The following MARK4 variants were observed in gnomAD, a reference collection of about 807,000 sequenced individuals.
MARK4 encodes the protein MAP/microtubule affinity-regulating kinase 4.
MARK4 carries 19 observed loss-of-function variants against 81.5 expected under a neutral mutation model. The ratio of observed to expected loss-of-function variants is 0.23; its 90% CI spans 0.16 to 0.34. The LOEUF is 0.34. Among genes scored for constraint, MARK4 ranks in the 10% least tolerant of loss-of-function variants. The probability of loss-of-function intolerance (pLI) is 1.00; values close to 1 mark genes in which losing one functional copy is unlikely to be tolerated. For synonymous variants in MARK4, 436 were observed against 439.0 expected, an observed-to-expected ratio of 0.99 and a Z score of 0.08; for missense variants, 772 against 1,058.8, an observed-to-expected ratio of 0.73 and a Z score of 3.76.
At position 45,259,103 on chromosome 19, in the gene MARK4, G is replaced by A. The variant is rs778306514; in HGVS notation, c.166G>A (p.Val56Met). The A allele has an allele frequency of 2.5e-6, 4 of 1,614,168 alleles. No individual in the cohort carries two copies. In the South Asian group the frequency reaches 3.3e-5, roughly 13 times the overall value. ...CTCCTGTCCCGAGGAGCAGCCCCAC[G>A]TGGGCAACTACCGCCTGCTGAGGAC... Reference protein sequence around the residue: ...IASCPEEQPHVGNYRLLRTIG... With the variant: ...IASCPEEQPHMGNYRLLRTIG... The change falls in exon 2 of 17, where the codon GTG becomes ATG. Residue 56 changes from valine to methionine, a missense_variant. Around this residue, in one of 3 missense-constraint regions of MARK4, gnomAD observed 115 missense variants for 139.8 expected, o/e 0.82. Transcript: ENST00000262891.
intron 10 of MARK4, 112 bp from the exon 11 acceptor site, chr19:45,280,262 A>C: frequency 1.1e-6 from 1 of 907,512 alleles, no homozygotes; most frequent in East Asian, 2.4e-5. Context: ...TGACCGTGCC[A>C]CTGCACTCCA....
At chr19:45,286,857 A>G (rs1204714200) in intron 12 of MARK4, among the ~76,000 whole-genome samples, 1 of 152,212 alleles carries the variant, frequency 6.6e-6, no homozygotes, top group African/African-American at 2.4e-5. Context: ...TTGTAGACAA[A>G]TGATAACACA....
At chr19:45,268,896 G>T (rs931042243) in intron 7 of MARK4, among the ~76,000 whole-genome samples, 38 of 152,124 alleles carry the variant, frequency 2.5e-4, no homozygotes, top group African/African-American at 9.2e-4. Context: ...CCCTCCACAC[G>T]GCCCTGGAGG....
intron 7 of MARK4, among the ~76,000 whole-genome samples, chr19:45,267,849 A>G (rs1421447666): frequency 1.3e-5 from 2 of 152,034 alleles, no homozygotes; most frequent in African/African-American, 4.8e-5. Flanking sequence ...TTTGTAGACA[A>G]GGGATCTCAC....
chr19:45,290,571 G>A (rs1970807869), intron 13 of MARK4, among the ~76,000 whole-genome samples: 1 of 152,232 alleles, frequency 6.6e-6, no homozygotes, highest in Non-Finnish European at 1.5e-5. Context: ...GACTGGCCGT[G>A]ACAACCCTTG....
Position 45,280,709 on chromosome 19 carries a change from C to T in MARK4, c.1251C>T (p.His417=). ...AGCGGAGTTCCTCTTCCACCTACCACCGCCAGCGCAGGCATAGCGATTTCT... is the reference window on the plus strand; with the variant it reads ...AGCGGAGTTCCTCTTCCACCTACCATCGCCAGCGCAGGCATAGCGATTTCT... ...KGQRSSSSTY[H]RQRRHSDFCG... is the part of the protein sequence containing the mutation. The change falls in exon 12 of 17, where the codon CAC becomes CAT. Residue 417 remains histidine (H), a synonymous_variant. Coordinates refer to ENST00000262891, the MANE Select transcript of MARK4 (RefSeq NM_001199867.2). 1.2e-6 allele frequency: 2 copies of T among 1,614,156 alleles called. No individual in the cohort carries two copies. The highest frequency in any genetic ancestry group is 2.2e-5 in the East Asian group (1 of 44,880).
rs1971019069 is a variant in MARK4, at chr19:45,304,230, C to T, written c.*1520C>T. 6.6e-6 allele frequency: 1 copy of T among 152,166 alleles called. No homozygotes were observed. The highest frequency in any genetic ancestry group is 2.4e-5 in the African/African-American group (1 of 41,448). 9.4% of individuals were successfully genotyped at this position (152,166 alleles called of 1,614,324 possible). A position where few individuals can be genotyped will look rare whatever the true frequency, so the allele number is the denominator to read the frequency against. On this transcript the variant is annotated 3_prime_UTR_variant, in exon 17 of 17. Coordinates refer to ENST00000262891, the MANE Select transcript of MARK4 (RefSeq NM_001199867.2). ...GACTTCAGCAGTTAGAAGTTTCTAT[C>T]CCTCCAGCTTTCTGCAGCAGAAAGA...
intron 1 of MARK4, 89 bp from the exon 2 acceptor site, chr19:45,258,900 C>T (rs952037633): frequency 6.4e-6 from 9 of 1,415,122 alleles, no homozygotes; most frequent in East Asian, 4.8e-5. Context: ...ACGGAGGGGC[C>T]GGTAGCCAGG....
At chr19:45,299,992 G>C (rs908333335) in intron 16 of MARK4, 137 bp downstream of exon 16, 54 of 666,832 alleles carry the variant, frequency 8.1e-5, no homozygotes, top group Non-Finnish European at 1.1e-4. Flanking sequence ...TGTGGCCCCA[G>C]CCTTCTCTGC....
Position 45,251,540 on chromosome 19 carries a change from C to CGG in MARK4, c.-49_-48insGG. On this transcript the variant is annotated 5_prime_UTR_variant, in exon 1 of 17. Transcript: ENST00000262891. The stretch of plus-strand genomic sequence containing the variant: ...GAGGGGAAGAGAGGGGACCCTGGGA[C>CGG]CCCCGCCCCCCCCACCCGGCCGCCC... The CGG allele has an allele frequency of 3.1e-6, 1 of 318,790 alleles. No individual in the cohort carries two copies. The highest frequency in any genetic ancestry group is 6.0e-6 in the Non-Finnish European group (1 of 167,964). The allele number at this position is 318,790 out of a possible 1,614,324, so 19.7% of individuals were successfully genotyped here.
intron 2 of MARK4, among the ~76,000 whole-genome samples, chr19:45,262,504 G>A (rs1970393536): frequency 6.6e-6 from 1 of 152,154 alleles, no homozygotes; most frequent in Admixed American, 6.6e-5. Context: ...TTATTCCACT[G>A]TTCATTTGTT....
At chr19:45,285,659 G>GTATCATATGGTTCATATGGTTCATT (rs569691051) in intron 12 of MARK4, among the ~76,000 whole-genome samples, 1,905 of 152,254 alleles carry the variant, frequency 0.013, 32 homozygotes, top group African/African-American at 0.044. Flanking sequence ...TGGTTAGAAC[G>GTATCATATGGTTCATATGGTTCATT]TGGTAACCTT....
intron 2 of MARK4, among the ~76,000 whole-genome samples, chr19:45,262,496 A>G (rs1157745143): frequency 6.6e-6 from 1 of 152,168 alleles, no homozygotes; most frequent in Non-Finnish European, 1.5e-5. Context: ...GTTGTTATTT[A>G]TTCCACTGTT....
In MARK4 at chr19:45,295,441, C is replaced by T. The variant is rs8103078; in HGVS notation, c.1598+989C>T. 5.4e-3 allele frequency among the ~76,000 whole-genome samples: 823 copies of T among 152,164 alleles called. 15 individuals carry two copies. Among genetic ancestry groups the T allele is most frequent in the African/African-American group, 0.019 (770 of 41,518 alleles). On this transcript the variant is annotated intron_variant, in intron 14 of 16. Transcript: ENST00000262891. The stretch of plus-strand genomic sequence containing the variant: ...GTGCTCACACTGCTAGCAGAATGAC[C>T]GGGTAAATCCCTGTGCCTCTGTTTC...
chr19:45,278,069 A>G (rs2123066821), intron 9 of MARK4, 27 bp downstream of exon 9: 1 of 1,611,002 alleles, frequency 6.2e-7, no homozygotes, highest in African/African-American at 1.3e-5. Flanking sequence ...AGCCAGCGGG[A>G]GCCCTTCTAG....
chr19:45,302,510 C>G lies in MARK4; in HGVS notation c.2059C>G (p.Arg687Gly), dbSNP rs764890978. 3.7e-6 allele frequency: 6 copies of G among 1,601,806 alleles called. No individual in the cohort carries two copies. Among genetic ancestry groups the G allele is most frequent in the Non-Finnish European group, 5.1e-6 (6 of 1,178,760 alleles). ...LRQATAAARC[R>G]CRQPQPFLLA... ...CCAGGCCACAGCAGCCGCCCGCTGC[C>G]GCTGCCGCCAGCCACAGCCGTTCCT... Residue 687 changes from arginine to glycine, a missense_variant, in exon 17 of 17, where the codon CGC (arginine) becomes GGC (glycine). Arg to Gly is a moderately radical substitution (Grantham distance 125). This residue lies in a region of MARK4 where 548 missense variants were observed against 624.3 expected (regional missense o/e 0.88). Transcript: ENST00000262891. This position sits in a 1 kb window ranked among gnomAD's most constrained non-coding sequence, Gnocchi z 4.9.
At chr19:45,292,674 C>T (rs1264336490) in intron 13 of MARK4, among the ~76,000 whole-genome samples, 1 of 150,442 alleles carries the variant, frequency 6.6e-6, no homozygotes, top group Non-Finnish European at 1.5e-5. Flanking sequence ...CCCAGGAGTT[C>T]AAGACCAGCC....
chr19:45,285,422 G>A (rs1004045712), intron 12 of MARK4, among the ~76,000 whole-genome samples: 31 of 152,104 alleles, frequency 2.0e-4, no homozygotes, highest in African/African-American at 7.0e-4. Flanking sequence ...AGTGGCTGCT[G>A]AAAGCCTGCG....
chr19:45,262,436 G>A (rs900504990), intron 2 of MARK4, among the ~76,000 whole-genome samples: 2 of 152,146 alleles, frequency 1.3e-5, no homozygotes, highest in Non-Finnish European at 2.9e-5. Context: ...AAGAGTTCTC[G>A]TTTGTAAAGC....
Sources: gnomAD v4.1 joint callset for allele counts (sites outside exome capture counted in the v4.1 genomes callset) on GRCh38, gnomAD v4.1.1 for gene constraint, gnomAD v4.1.1 regional missense constraint, Gnocchi (gnomAD v3.1) non-coding constraint, MANE v1.5 for transcripts, NCBI Gene and HGNC (gene_info 2026-07-23, HGNC 2026-07-21) for gene names.